Variants in UGT1A4 observed in about 807,000 individuals in gnomAD.
UGT1A4 encodes UDP-glucuronosyltransferase 1A4.
In UGT1A4, 32 loss-of-function variants were observed where a neutral mutation model predicts 41.1. The observed-to-expected ratio is 0.78, with a 90% CI of 0.59 to 1.05. The LOEUF (loss-of-function observed/expected upper bound fraction) is 1.05. UGT1A4 is among the 50% of genes least tolerant of loss of function. The pLI, the probability that UGT1A4 is intolerant of heterozygous loss-of-function variation, is 0.00. For missense variants in UGT1A4, 748 were observed against 677.4 expected (o/e 1.10, Z -1.16); for synonymous variants, 283 against 265.1 (o/e 1.07, Z -0.66).
At chr2:233,724,418 G>C (rs1312846631) in intron 1 of UGT1A4, among the ~76,000 whole-genome samples, 1 of 134,216 alleles carries the variant, frequency 7.5e-6, no homozygotes, top group African/African-American at 2.8e-5. Flanking sequence ...TGGCTGCCGG[G>C]CGGAGAGGCT....
intron 1 of UGT1A4, among the ~76,000 whole-genome samples, chr2:233,726,020 TC>T (rs2125716931): frequency 6.6e-6 from 1 of 152,170 alleles, no homozygotes; most frequent in Admixed American, 6.5e-5. Flanking sequence ...CAAAAAATTA[TC>T]CAGGTGTGAT....
At chr2:233,722,092 G>C (rs2076989612) in intron 1 of UGT1A4, 1 of 213,864 alleles carries the variant, frequency 4.7e-6, no homozygotes, top group African/African-American at 2.3e-5. Context: ...GATCACCTTA[G>C]GCCTCTTAGA....
chr2:233,760,162 T>C (rs967006180), intron 1 of UGT1A4: 7 of 1,514,606 alleles, frequency 4.6e-6, no homozygotes, highest in Admixed American at 4.0e-5. Flanking sequence ...CTGCTACCTT[T>C]GTGGACTGAC....
Position 233,744,327 on chromosome 2 carries a change from G to GAC in UGT1A4, c.868-22707_868-22706insAC, listed in dbSNP as rs1692775821. Among the ~76,000 whole-genome samples, 2 of 151,850 alleles carry GAC rather than the reference G, an allele frequency of 1.3e-5. 1 individual carries two copies. The highest frequency in any genetic ancestry group is 4.9e-5 in the African/African-American group (2 of 41,110). ...GGAGGGAAGAGGGTGGTGGGAGTGA[G>GAC]TTTAGTCTGACTGGGGCTGAAGACA... On this transcript the variant is annotated intron_variant, in intron 1 of 4. Transcript: ENST00000373409.
chr2:233,746,671 G>C (rs1345040800), intron 1 of UGT1A4, among the ~76,000 whole-genome samples: 1 of 151,792 alleles, frequency 6.6e-6, no homozygotes, highest in East Asian at 1.9e-4. Flanking sequence ...TCCTAGCATA[G>C]TAGGTAGGGC....
At chr2:233,725,201 G>GGCAGAGGCAGAA (rs2077389297) in intron 1 of UGT1A4, among the ~76,000 whole-genome samples, 6 of 93,006 alleles carry the variant, frequency 6.5e-5, no homozygotes, top group African/African-American at 5.2e-4. Context: ...CAGAGGCAGA[G>GGCAGAGGCAGAA]GCAGAGGCAG....
At chr2:233,760,155 CT>C (rs1697330158) in intron 1 of UGT1A4, 26 of 1,487,798 alleles carry the variant, frequency 1.7e-5, no homozygotes, top group Non-Finnish European at 2.3e-5. Flanking sequence ...GAACTCCCTG[CT>C]ACCTTTGTGG....
chr2:233,770,652 C>T (rs985386042), intron 4 of UGT1A4: 7 of 150,004 alleles, frequency 4.7e-5, no homozygotes, highest in Non-Finnish European at 1.0e-4. Context: ...AGTGAGACTC[C>T]GTCTTACTTA....
chr2:233,764,964 G>A (rs1018241082), intron 1 of UGT1A4, among the ~76,000 whole-genome samples: 15 of 152,140 alleles, frequency 9.9e-5, no homozygotes, highest in Non-Finnish European at 2.9e-5. Context: ...CTCACCTTGG[G>A]AGAAGGATGG....
At chr2:233,724,265 G>C (rs1471463851) in intron 1 of UGT1A4, among the ~76,000 whole-genome samples, 1 of 132,982 alleles carries the variant, frequency 7.5e-6, no homozygotes, top group African/African-American at 2.9e-5. Context: ...CCTCCCGGAC[G>C]GGGCGGCTGG....
Position 233,773,149 on chromosome 2 carries a change from G to A in UGT1A4, c.*590G>A, listed in dbSNP as rs1700568248. On this transcript the variant is annotated 3_prime_UTR_variant, in exon 5 of 5. Coordinates refer to ENST00000373409, the MANE Select transcript of UGT1A4 (RefSeq NM_007120.3). ...AAGAATGATGCTATGAAATTGGTGG[G>A]TGGTGTATTTGAGAAGATAATCATT... 1 of 154,230 alleles carries A rather than the reference G, an allele frequency of 6.5e-6. No individual in the cohort carries two copies. The highest frequency in any genetic ancestry group is 6.4e-5 in the Admixed American group (1 of 15,708). The allele number at this position is 154,230 out of a possible 1,614,324, so 9.6% of individuals were successfully genotyped here.
At chr2:233,729,740 T>G (rs1312965874) in intron 1 of UGT1A4, 8 of 1,613,982 alleles carry the variant, frequency 5.0e-6, no homozygotes, top group Non-Finnish European at 6.8e-6. Flanking sequence ...TCAGACCACA[T>G]GACATTCATG....
In UGT1A4 at chr2:233,755,313, G is replaced by A. The variant is rs565914238; in HGVS notation, c.868-11721G>A. 9.1e-5 allele frequency: 50 copies of A among 549,068 alleles called. 1 individual carries two copies. The highest frequency in any genetic ancestry group is 7.5e-4 in the South Asian group (41 of 54,588). The allele number at this position is 549,068 out of a possible 1,614,324, so 34.0% of individuals were successfully genotyped here. On this transcript the variant is annotated intron_variant, in intron 1 of 4. Transcript: ENST00000373409. Reference sequence around the variant, plus strand: ...CTGCGGGGCACTGGCACAGCGAGCGGCAAGGCTGCCAGCACCCGCGCACAG... The same window carrying A: ...CTGCGGGGCACTGGCACAGCGAGCGACAAGGCTGCCAGCACCCGCGCACAG...
intron 2 of UGT1A4, among the ~76,000 whole-genome samples, chr2:233,767,541 T>C (rs1036019963): frequency 7.9e-4 from 120 of 152,396 alleles, no homozygotes; most frequent in African/African-American, 2.8e-3. Context: ...ATTTCTGCTC[T>C]TATAGTTCTG....
intron 1 of UGT1A4, chr2:233,754,464 G>A (rs748886391): frequency 1.4e-5 from 5 of 356,342 alleles, no homozygotes; most frequent in Non-Finnish European, 2.2e-5. Flanking sequence ...CAGCTGTTCT[G>A]AAAGTAAAGT....
intron 1 of UGT1A4, among the ~76,000 whole-genome samples, chr2:233,756,714 T>C (rs1696309930): frequency 6.6e-6 from 1 of 152,188 alleles, no homozygotes. Flanking sequence ...GGGACTTTTT[T>C]TGAGATCTGA....
chr2:233,732,474 A>C (rs866244589), intron 1 of UGT1A4, among the ~76,000 whole-genome samples: 34 of 152,356 alleles, frequency 2.2e-4, no homozygotes, highest in African/African-American at 6.3e-4. Flanking sequence ...TCCATCTGGA[A>C]TTAATTTTTG....
chr2:233,743,797 C>T (rs1382716558), intron 1 of UGT1A4: 8 of 1,367,342 alleles, frequency 5.9e-6, no homozygotes, highest in Non-Finnish European at 7.8e-6. Flanking sequence ...TCTCCGCTTC[C>T]TCCTTGTTCT....
Position 233,767,908 on chromosome 2 carries a change from T to C in UGT1A4, c.1059T>C (p.Val353=). ...PSNLANNTIL[V]KWLPQNDLLG... ...ATCTTGCGAACAACACGATACTTGT[T>C]AAGTGGCTACCCCAAAACGATCTGC... The change falls in exon 3 of 5, where the codon GTT becomes GTC. Residue 353 remains valine (V), a synonymous_variant. Coordinates refer to ENST00000373409, the MANE Select transcript of UGT1A4 (RefSeq NM_007120.3). 6.2e-7 allele frequency: 1 copy of C among 1,614,222 alleles called. No individual in the cohort carries two copies.
Sources: allele counts gnomAD v4.1 joint callset (sites outside exome capture counted in the v4.1 genomes callset), GRCh38; gene constraint gnomAD v4.1.1; transcripts MANE v1.5; gene names NCBI Gene and HGNC (gene_info 2026-07-23, HGNC 2026-07-21).